Variants in CYP7B1 observed in about 807,000 individuals in gnomAD.
The protein encoded by CYP7B1 is cytochrome P450 family 7 subfamily B member 1, also known as cytochrome P450 7B1.
A neutral mutation model predicts 42.7 loss-of-function variants in CYP7B1; 29 were observed. The ratio of observed to expected loss-of-function variants is 0.68; its 90% CI spans 0.51 to 0.93. The LOEUF is 0.93. CYP7B1 is among the 40% of genes least tolerant of loss of function. CYP7B1 has a pLI of 0.00. For missense variants in CYP7B1, 655 were observed against 600.5 expected, an observed-to-expected ratio of 1.09 and a Z score of -0.95; for synonymous variants, 235 against 218.2, an observed-to-expected ratio of 1.08 and a Z score of -0.68.
intron 2 of CYP7B1, 75 bp from the exon 3 acceptor site, chr8:64,616,356 AAT>A (rs1805449490): frequency 2.1e-6 from 2 of 960,204 alleles, no homozygotes; most frequent in Admixed American, 2.5e-5. Flanking sequence ...CAAATTAAAA[AAT>A]ATGTTAATCA....
intron 1 of CYP7B1, among the ~76,000 whole-genome samples, chr8:64,698,845 A>G (rs141054519): frequency 1.2e-3 from 188 of 152,314 alleles, no homozygotes; most frequent in African/African-American, 4.2e-3. Flanking sequence ...TATAGTTTTA[A>G]AGACTCCTAT....
At chr8:64,663,830 G>A (rs188921843) in intron 1 of CYP7B1, among the ~76,000 whole-genome samples, 46 of 152,264 alleles carry the variant, frequency 3.0e-4, no homozygotes, top group Non-Finnish European at 5.6e-4. Context: ...GCAACACCAC[G>A]CGTCTCTCTT....
chr8:64,669,405 G>C (rs1008171693), intron 1 of CYP7B1, among the ~76,000 whole-genome samples: 1 of 151,988 alleles, frequency 6.6e-6, no homozygotes, highest in African/African-American at 2.4e-5. Flanking sequence ...AGATATAAAA[G>C]GTTTCATACC....
At chr8:64,700,215 C>A (rs1318862219) in intron 1 of CYP7B1, among the ~76,000 whole-genome samples, 1 of 152,088 alleles carries the variant, frequency 6.6e-6, no homozygotes, top group Non-Finnish European at 1.5e-5. Flanking sequence ...CCATAACCGG[C>A]CCTAACACAG....
intron 5 of CYP7B1, among the ~76,000 whole-genome samples, chr8:64,597,759 A>G (rs1430382315): frequency 1.3e-5 from 2 of 152,170 alleles, no homozygotes; most frequent in Non-Finnish European, 2.9e-5. Flanking sequence ...GGACTGAGTG[A>G]CCTTATTTTA....
At chr8:64,704,451 A>T (rs1380283062) in intron 1 of CYP7B1, among the ~76,000 whole-genome samples, 5 of 152,138 alleles carry the variant, frequency 3.3e-5, no homozygotes, top group African/African-American at 1.2e-4. Flanking sequence ...AATGTGTAGC[A>T]TTATATGTGT....
At position 64,798,523 on chromosome 8, in the gene CYP7B1, A is replaced by G. The variant is rs1266671819; in HGVS notation, c.65T>C (p.Leu22Pro). 9 of 1,501,742 alleles carry G rather than the reference A, an allele frequency of 6.0e-6. No homozygotes were observed. The highest frequency in any genetic ancestry group is 7.9e-6 in the Non-Finnish European group (9 of 1,134,270). The allele number at this position is 1,501,742 out of a possible 1,614,324, so 93.0% of individuals were successfully genotyped here. The change falls in exon 1 of 6, where the codon CTG becomes CCG. Residue 22 changes from leucine to proline, a missense_variant. Physicochemically the swap from Leu to Pro is moderately conservative, Grantham distance 98 (BLOSUM62 -3). Coordinates refer to ENST00000310193, the MANE Select transcript of CYP7B1 (RefSeq NM_004820.5). ...GAGCAGCAGGGCCGCGGCGAGGGCC[A>G]GGCCCGGGAGGCCCAACCGCTCCAG... is the stretch of plus-strand genomic sequence containing the variant. ...FSLERLGLPG[L>P]ALAAALLLLA...
At chr8:64,647,169 T>G (rs1805966521) in intron 1 of CYP7B1, among the ~76,000 whole-genome samples, 1 of 152,090 alleles carries the variant, frequency 6.6e-6, no homozygotes, top group African/African-American at 2.4e-5. Context: ...GAATGGTTGG[T>G]CAGTGGAGCA....
At chr8:64,588,821 A>G (rs905753862), downstream of CYP7B1, among the ~76,000 whole-genome samples, 17 of 152,236 alleles carry the variant, frequency 1.1e-4, no homozygotes, top group African/African-American at 4.1e-4. Flanking sequence ...TCCATCTAAG[A>G]TTTTGATGAA....
chr8:64,597,504 C>T (rs1169766762), intron 5 of CYP7B1, among the ~76,000 whole-genome samples: 1 of 152,132 alleles, frequency 6.6e-6, no homozygotes, highest in Admixed American at 6.5e-5. Flanking sequence ...GAACTAAGCC[C>T]CAAAATTAAT....
At chr8:64,703,411 C>A (rs1409667334) in intron 1 of CYP7B1, among the ~76,000 whole-genome samples, 1 of 151,964 alleles carries the variant, frequency 6.6e-6, no homozygotes, top group East Asian at 1.9e-4. Context: ...CTCTTACATG[C>A]TTGGTTTTTT....
At chr8:64,758,724 C>A (rs2129633655) in intron 1 of CYP7B1, among the ~76,000 whole-genome samples, 1 of 152,204 alleles carries the variant, frequency 6.6e-6, no homozygotes, top group South Asian at 2.1e-4. Context: ...GATGTTACAT[C>A]TGTAAAAAGG....
chr8:64,757,630 T>C (rs1807827020), intron 1 of CYP7B1, among the ~76,000 whole-genome samples: 1 of 152,254 alleles, frequency 6.6e-6, no homozygotes, highest in South Asian at 2.1e-4. Flanking sequence ...CAGCCACCAT[T>C]GCATTAACCA....
intron 2 of CYP7B1, among the ~76,000 whole-genome samples, chr8:64,620,793 C>G (rs1805519963): frequency 1.3e-5 from 2 of 152,140 alleles, no homozygotes; most frequent in South Asian, 4.1e-4. Flanking sequence ...GCACATTTAA[C>G]TGGTTGTCTA....
chr8:64,695,617 T>TCCC (rs1806814831), intron 1 of CYP7B1, among the ~76,000 whole-genome samples: 1 of 144,810 alleles, frequency 6.9e-6, no homozygotes, highest in Non-Finnish European at 1.5e-5. Flanking sequence ...TTTTTTTTTT[T>TCCC]TTTTTTTTTT....
chr8:64,625,163 G>T (rs1416966982), intron 1 of CYP7B1, among the ~76,000 whole-genome samples: 2 of 150,734 alleles, frequency 1.3e-5, no homozygotes, highest in Admixed American at 1.3e-4. Flanking sequence ...TTAGTAGAGA[G>T]GGGGTTTCAC....
intron 1 of CYP7B1, among the ~76,000 whole-genome samples, chr8:64,635,743 A>C (rs1403221115): frequency 6.6e-6 from 1 of 152,192 alleles, no homozygotes; most frequent in African/African-American, 2.4e-5. Context: ...GATGAAATGT[A>C]TTTTCACCCT....
intron 1 of CYP7B1, among the ~76,000 whole-genome samples, chr8:64,719,340 T>C (rs1807203872): frequency 6.6e-6 from 1 of 152,190 alleles, no homozygotes; most frequent in Admixed American, 6.5e-5. Context: ...ACTTTCATGA[T>C]AAATCAGTAG....
intron 1 of CYP7B1, among the ~76,000 whole-genome samples, chr8:64,758,008 C>G (rs899749111): frequency 1.3e-5 from 2 of 152,300 alleles, no homozygotes; most frequent in South Asian, 4.1e-4. Flanking sequence ...TCTTTCCTTC[C>G]TTCCCCATCC....
Sources: allele counts gnomAD v4.1 joint callset (sites outside exome capture counted in the v4.1 genomes callset), GRCh38; gene constraint gnomAD v4.1.1; transcripts MANE v1.5; gene names NCBI Gene and HGNC (gene_info 2026-07-23, HGNC 2026-07-21).